The following PRPH variants were observed in gnomAD, a reference collection of about 807,000 sequenced individuals.
PRPH encodes the protein neurofilament 4 (57kD).
A neutral mutation model predicts 52.6 loss-of-function variants in PRPH; 48 were observed. The observed-to-expected ratio is 0.91, with a 90% CI of 0.72 to 1.16. PRPH has a LOEUF of 1.16. PRPH is among the 50% of genes most tolerant of loss of function. PRPH has a pLI of 0.00. For missense variants in PRPH, 579 were observed against 635.7 expected, an observed-to-expected ratio of 0.91 and a Z score of 0.96; for synonymous variants, 279 against 283.8, an observed-to-expected ratio of 0.98 and a Z score of 0.17.
In PRPH at chr12:49,295,432, C is replaced by G. The variant is rs1247316233; in HGVS notation, c.232C>G (p.Leu78Val). 6.2e-7 allele frequency: 1 copy of G among 1,606,016 alleles called. No homozygotes were observed. The highest frequency in any genetic ancestry group is 1.1e-5 in the South Asian group (1 of 89,848). The change falls in exon 1 of 9, where the codon CTC (leucine) becomes GTC (valine). Residue 78 changes from leucine to valine, a missense_variant. Transcript: ENST00000257860. ...CCTCCTGCGCCTGCCCTCGGAGCGC[C>G]TCGACTTCTCCATGGCCGAGGCCCT... ...GALLRLPSER[L>V]DFSMAEALNQ...
Position 49,297,686 on chromosome 12 carries a change from G to A in PRPH, c.1227G>A (p.Val409=), listed in dbSNP as rs767363484. The A allele has an allele frequency of 1.7e-5, 27 of 1,607,328 alleles. No homozygotes were observed. The South Asian group carries it at 2.9e-4, about 17-fold the overall frequency. ...CTTGCTTCGCCTCTAGGATCTCCGT[G>A]CCCGTCCATTCTTTTGCCTCCTTAA... ...LLEGEESRIS[V]PVHSFASLNI... The change falls in exon 7 of 9, where the codon GTG becomes GTA. Residue 409 remains valine (V), a synonymous_variant. Coordinates refer to ENST00000257860, the MANE Select transcript of PRPH (RefSeq NM_006262.4). This position sits in a 1 kb window ranked among gnomAD's most constrained non-coding sequence, Gnocchi z 4.4.
rs200519578 is a variant in PRPH at position 49,297,310 on chromosome 12, G to C, written c.996+37G>C. The C allele has an allele frequency of 5.6e-6, 9 of 1,613,816 alleles. No homozygotes were observed. In the East Asian group the frequency reaches 2.0e-4, roughly 36 times the overall value. ...GCTGCGCGCTCGGGCCCGGGGAGCG[G>C]ACGATGAAATGTTCTGCAACTGGCC... is the stretch of plus-strand genomic sequence containing the variant. On this transcript the variant is annotated intron_variant, in intron 5 of 8. Transcript: ENST00000257860. The surrounding 1 kb of genome is among the most constrained non-coding windows in gnomAD (Gnocchi z 4.4).
chr12:49,296,344 C>A lies in PRPH; in HGVS notation c.607-88C>A. ...CGGGGAGAAGGGGGTAACCCAGATG[C>A]CTCCTGAGGCAGACAGGGAAGGCCT... On this transcript the variant is annotated intron_variant, in intron 2 of 8. Transcript: ENST00000257860. The surrounding 1 kb of genome is among the most constrained non-coding windows in gnomAD (Gnocchi z 5.1). The A allele has an allele frequency of 6.4e-7, 1 of 1,562,276 alleles. No homozygotes were observed.
intron 1 of PRPH, 156 bp downstream of exon 1, chr12:49,295,901 A>C: frequency 6.9e-7 from 1 of 1,440,652 alleles, no homozygotes; most frequent in Non-Finnish European, 9.1e-7. Context: ...ATCCCTGCCC[A>C]CGGGCTCCAA....
Position 49,296,511 on chromosome 12 carries a change from A to G in PRPH, c.686A>G (p.Lys229Arg). The G allele has an allele frequency of 6.2e-7, 1 of 1,614,156 alleles. No individual in the cohort carries two copies. The highest frequency in any genetic ancestry group is 8.5e-7 in the Non-Finnish European group (1 of 1,180,018). ...CTGATGGATGAGATTGAGTTCCTCA[A>G]GAAGCTGCACGAGGAGGTAAGTGGG... ...ESLMDEIEFL[K>R]KLHEEELRDL... is the part of the protein sequence containing the mutation. Residue 229 changes from lysine to arginine, a missense_variant, in exon 3 of 9, where the codon AAG (lysine) becomes AGG (arginine). By Grantham distance (26) the Lys-to-Arg change is conservative. Transcript: ENST00000257860. This position sits in a 1 kb window ranked among gnomAD's most constrained non-coding sequence, Gnocchi z 5.1.
At position 49,297,170 on chromosome 12, in the gene PRPH, C is replaced by T; in HGVS notation, c.893C>T (p.Ala298Val). Residue 298 changes from alanine (A) to valine (V), a missense_variant, in exon 5 of 9, where the codon GCC becomes GTC. Physicochemically the swap from Ala to Val is moderately conservative, Grantham distance 64. Transcript: ENST00000257860. The surrounding 1 kb of genome is among the most constrained non-coding windows in gnomAD (Gnocchi z 4.4). ...CAGTACGCGGACCTGTCCGACGCTG[C>T]CAACCGGAACCACGAGGCCCTGCGC... is the stretch of plus-strand genomic sequence containing the variant. ...KSKYADLSDA[A>V]NRNHEALRQA... The T allele has an allele frequency of 6.2e-7, 1 of 1,614,048 alleles. No individual in the cohort carries two copies. The highest frequency in any genetic ancestry group is 8.5e-7 in the Non-Finnish European group (1 of 1,179,984).
chr12:49,296,881 G>A lies in PRPH; in HGVS notation c.703-8G>A, dbSNP rs780603985. On this transcript the variant is annotated splice_region_variant and splice_polypyrimidine_tract_variant and intron_variant, in intron 3 of 8. Transcript: ENST00000257860. The surrounding 1 kb of genome is among the most constrained non-coding windows in gnomAD (Gnocchi z 5.1). ...CGCTGTCCATCCTCTGCCTGCTCCC[G>A]GCCGTAGGAGCTGCGAGACCTGCAG... is the stretch of plus-strand genomic sequence containing the variant. 2.1e-5 allele frequency: 34 copies of A among 1,607,024 alleles called. 1 individual carries two copies. In the Admixed American group the frequency reaches 2.7e-4, roughly 13 times the overall value.
At position 49,298,314 on chromosome 12, in the gene PRPH, G is replaced by A. The variant is rs762974632; in HGVS notation, c.1374G>A (p.Gln458=). 5.6e-6 allele frequency: 9 copies of A among 1,614,200 alleles called. No homozygotes were observed. The highest frequency in any genetic ancestry group is 1.3e-5 in the African/African-American group (1 of 75,048). Residue 458 remains glutamine, a synonymous_variant, in exon 9 of 9, where the codon CAG becomes CAA. Coordinates refer to ENST00000257860, the MANE Select transcript of PRPH (RefSeq NM_006262.4). ...GEVVTESQKE[Q]RSELDKSSAH... ...TGGTGACAGAGTCCCAGAAGGAGCA[G>A]CGCAGTGAGCTGGACAAGTCTTCTG...
In PRPH at chr12:49,296,189, A is replaced by T; in HGVS notation, c.557A>T (p.Glu186Val). Residue 186 changes from glutamate (E) to valine (V), a missense_variant, in exon 2 of 9, where the codon GAG becomes GTG. Physicochemically the swap from Glu to Val is moderately radical, Grantham distance 121. Transcript: ENST00000257860. The surrounding 1 kb of genome is among the most constrained non-coding windows in gnomAD (Gnocchi z 5.1). ...LAALKQRLEE[E>V]TRKREDAEHN... ...GCTCTTCCCGTCAGGTTGGAGGAGGAGACGCGCAAGCGGGAGGACGCGGAG... is the reference window on the plus strand; with the variant it reads ...GCTCTTCCCGTCAGGTTGGAGGAGGTGACGCGCAAGCGGGAGGACGCGGAG... 3.1e-6 allele frequency: 5 copies of T among 1,612,454 alleles called. No homozygotes were observed. Among genetic ancestry groups the T allele is most frequent in the Non-Finnish European group, 4.2e-6 (5 of 1,179,852 alleles).
chr12:49,296,763 T>G lies in PRPH; in HGVS notation c.703-126T>G. ...TCGCGCCCGCGGGGGCGCAGGGCTG[T>G]ACGCCCTGCCCTCCCTGGCGCCCAC... On this transcript the variant is annotated intron_variant, in intron 3 of 8. Coordinates refer to ENST00000257860, the MANE Select transcript of PRPH (RefSeq NM_006262.4). The surrounding 1 kb of genome is among the most constrained non-coding windows in gnomAD (Gnocchi z 5.1). 1 of 1,422,736 alleles carries G rather than the reference T, an allele frequency of 7.0e-7. No homozygotes were observed. The highest frequency in any genetic ancestry group is 9.6e-7 in the Non-Finnish European group (1 of 1,045,522). 88.1% of individuals were successfully genotyped at this position (1,422,736 alleles called of 1,614,324 possible).
At position 49,297,687 on chromosome 12, in the gene PRPH, C is replaced by T. The variant is rs772957397; in HGVS notation, c.1228C>T (p.Pro410Ser). 1.2e-5 allele frequency: 19 copies of T among 1,613,606 alleles called. No homozygotes were observed. The highest frequency in any genetic ancestry group is 2.2e-5 in the South Asian group (2 of 91,090). The change falls in exon 7 of 9, where the codon CCC (proline) becomes TCC (serine). Residue 410 changes from proline to serine, a missense_variant. Coordinates refer to ENST00000257860, the MANE Select transcript of PRPH (RefSeq NM_006262.4). The surrounding 1 kb of genome is among the most constrained non-coding windows in gnomAD (Gnocchi z 4.4). The stretch of plus-strand genomic sequence containing the variant: ...TTGCTTCGCCTCTAGGATCTCCGTG[C>T]CCGTCCATTCTTTTGCCTCCTTAAA... ...LEGEESRISV[P>S]VHSFASLNIK...
Position 49,296,590 on chromosome 12 carries a change from G to T in PRPH, c.702+63G>T, listed in dbSNP as rs1398776410. 4.0e-6 allele frequency: 6 copies of T among 1,491,532 alleles called. No individual in the cohort carries two copies. The highest frequency in any genetic ancestry group is 4.6e-6 in the Non-Finnish European group (5 of 1,077,174). 92.4% of individuals were successfully genotyped at this position (1,491,532 alleles called of 1,614,324 possible). On this transcript the variant is annotated intron_variant, in intron 3 of 8. Coordinates refer to ENST00000257860, the MANE Select transcript of PRPH (RefSeq NM_006262.4). This position sits in a 1 kb window ranked among gnomAD's most constrained non-coding sequence, Gnocchi z 5.1. The stretch of plus-strand genomic sequence containing the variant: ...GTGGGGTGGTCTCGCTGGAGCTGGC[G>T]GGTGGAGCGGAGGCATCGCCCTGGG...
rs1943202067 is a variant in PRPH at position 49,297,470 on chromosome 12, G to A, written c.1110G>A (p.Glu370=). 1 of 1,612,740 alleles carries A rather than the reference G, an allele frequency of 6.2e-7. No individual in the cohort carries two copies. Among genetic ancestry groups the A allele is most frequent in the Non-Finnish European group, 8.5e-7 (1 of 1,179,934 alleles). Residue 370 remains glutamate (E), a synonymous_variant, in exon 6 of 9, where the codon GAG becomes GAA. Transcript: ENST00000257860. This position sits in a 1 kb window ranked among gnomAD's most constrained non-coding sequence, Gnocchi z 4.4. The part of the protein sequence containing the change: ...RLEEELRQLK[E]EMARHLREYQ... ...AGGAGGAGCTGCGACAGCTAAAAGA[G>A]GAGATGGCGCGGCACCTGAGGGAGT...
At position 49,297,289 on chromosome 12, in the gene PRPH, C is replaced by A. The variant is rs1157679731; in HGVS notation, c.996+16C>A. The A allele has an allele frequency of 4.3e-6, 7 of 1,613,778 alleles. No homozygotes were observed. Among genetic ancestry groups the A allele is most frequent in the Non-Finnish European group, 5.1e-6 (6 of 1,179,972 alleles). On this transcript the variant is annotated intron_variant, in intron 5 of 8. Transcript: ENST00000257860. The surrounding 1 kb of genome is among the most constrained non-coding windows in gnomAD (Gnocchi z 4.4). ...GCGCGGCACGGTGAGTACGAAGCTG[C>A]GCGCTCGGGCCCGGGGAGCGGACGA...
rs982729267 is a variant in PRPH at position 49,298,316 on chromosome 12, G to A, written c.1376G>A (p.Arg459His). ...GTGACAGAGTCCCAGAAGGAGCAGC[G>A]CAGTGAGCTGGACAAGTCTTCTGCC... ...EVVTESQKEQ[R>H]SELDKSSAHS... The change falls in exon 9 of 9, where the codon CGC becomes CAC. Residue 459 changes from arginine to histidine, a missense_variant. Transcript: ENST00000257860. 2.1e-5 allele frequency: 34 copies of A among 1,614,050 alleles called. No individual in the cohort carries two copies. Among genetic ancestry groups the A allele is most frequent in the Non-Finnish European group, 2.7e-5 (32 of 1,180,034 alleles).
In PRPH at chr12:49,297,286, C is replaced by T. The variant is rs1419115680; in HGVS notation, c.996+13C>T. On this transcript the variant is annotated intron_variant, in intron 5 of 8. Coordinates refer to ENST00000257860, the MANE Select transcript of PRPH (RefSeq NM_006262.4). The surrounding 1 kb of genome is among the most constrained non-coding windows in gnomAD (Gnocchi z 4.4). ...GCTGCGCGGCACGGTGAGTACGAAG[C>T]TGCGCGCTCGGGCCCGGGGAGCGGA... 6.2e-7 allele frequency: 1 copy of T among 1,613,892 alleles called. No homozygotes were observed. The highest frequency in any genetic ancestry group is 1.7e-5 in the Admixed American group (1 of 60,012).
chr12:49,297,080 G>A lies in PRPH; in HGVS notation c.870+24G>A. 1.2e-6 allele frequency: 2 copies of A among 1,613,884 alleles called. No homozygotes were observed. Among genetic ancestry groups the A allele is most frequent in the African/African-American group, 1.3e-5 (1 of 75,030 alleles). The stretch of plus-strand genomic sequence containing the variant: ...AGGTGCAAGAGCCGGGAGGGCCTGC[G>A]AGGCGGGACGCTGGGGTGGTGTCGC... On this transcript the variant is annotated intron_variant, in intron 4 of 8. Transcript: ENST00000257860. This position sits in a 1 kb window ranked among gnomAD's most constrained non-coding sequence, Gnocchi z 4.4.
chr12:49,295,422 C>T lies in PRPH; in HGVS notation c.222C>T (p.Pro74=), dbSNP rs1229461777. 6.2e-7 allele frequency: 1 copy of T among 1,604,382 alleles called. No homozygotes were observed. The highest frequency in any genetic ancestry group is 2.2e-5 in the East Asian group (1 of 44,512). Residue 74 remains proline, a synonymous_variant, in exon 1 of 9, where the codon CCC becomes CCT. Coordinates refer to ENST00000257860, the MANE Select transcript of PRPH (RefSeq NM_006262.4). Reference sequence around the variant, plus strand: ...GAGCGGGCGCCCTCCTGCGCCTGCCCTCGGAGCGCCTCGACTTCTCCATGG... The same window carrying T: ...GAGCGGGCGCCCTCCTGCGCCTGCCTTCGGAGCGCCTCGACTTCTCCATGG... ...RAGAGALLRL[P]SERLDFSMAE...
rs1307718817 is a variant in PRPH, at chr12:49,298,607, T to C, written c.*254T>C. 2 of 526,964 alleles carry C rather than the reference T, an allele frequency of 3.8e-6. No individual in the cohort carries two copies. 32.6% of individuals were successfully genotyped at this position (526,964 alleles called of 1,614,324 possible). A position where few individuals can be genotyped will look rare whatever the true frequency, so the allele number is the denominator to read the frequency against. On this transcript the variant is annotated 3_prime_UTR_variant, in exon 9 of 9. Transcript: ENST00000257860. The stretch of plus-strand genomic sequence containing the variant: ...CAATGATCCCCCCTCAGGACAAATC[T>C]ACTCCAGCCACGATGAGAAGTGGGT...
Sources: allele counts gnomAD v4.1 joint callset, GRCh38; gene constraint gnomAD v4.1.1; non-coding constraint Gnocchi (gnomAD v3.1); transcripts MANE v1.5; gene names NCBI Gene and HGNC (gene_info 2026-07-23, HGNC 2026-07-21).